The following PARD3B variants were observed in gnomAD, a reference collection of about 807,000 sequenced individuals.
PARD3B encodes the protein partitioning defective 3 homolog B.
PARD3B carries 103 observed loss-of-function variants against 130.2 expected under a neutral mutation model. The ratio of observed to expected loss-of-function variants is 0.79; its 90% CI spans 0.67 to 0.93. PARD3B has a LOEUF of 0.93. Ranked by LOEUF, PARD3B falls within the 40% of genes least tolerant of loss-of-function variation. PARD3B has a pLI of 0.00. For missense variants in PARD3B, 1,609 were observed against 1,499.2 expected (o/e 1.07, Z -1.21); for synonymous variants, 583 against 553.2 (o/e 1.05, Z -0.76).
rs543769668 is a variant in PARD3B, at chr2:204,933,652, A to G, written c.223-31500A>G. On this transcript the variant is annotated intron_variant, in intron 2 of 22. Transcript: ENST00000406610. Reference sequence around the variant, plus strand: ...TTCTAAACCACTGTGCTTTATTGCAAGCTATCAGAGTTCATCTTTTAGGGA... The same window carrying G: ...TTCTAAACCACTGTGCTTTATTGCAGGCTATCAGAGTTCATCTTTTAGGGA... Among the ~76,000 whole-genome samples, 3 of 152,314 alleles carry G rather than the reference A, an allele frequency of 2.0e-5. No homozygotes were observed. The South Asian group carries it at 6.2e-4, about 32-fold the overall frequency.
chr2:204,797,383 T>C (rs2125491474), intron 2 of PARD3B, among the ~76,000 whole-genome samples: 1 of 152,290 alleles, frequency 6.6e-6, no homozygotes. Flanking sequence ...GCTCACACTT[T>C]ACTGATGAAC....
intron 15 of PARD3B, among the ~76,000 whole-genome samples, chr2:205,232,056 A>C (rs924846506): frequency 6.6e-6 from 1 of 152,256 alleles, no homozygotes; most frequent in Non-Finnish European, 1.5e-5. Context: ...CACAATCAGC[A>C]TAGAGTAAAT....
chr2:204,562,327 C>CT (rs933214182), intron 1 of PARD3B, among the ~76,000 whole-genome samples: 24 of 152,208 alleles, frequency 1.6e-4, no homozygotes, highest in African/African-American at 5.3e-4. Flanking sequence ...GATCTGATTG[C>CT]TTATAGATTT....
intron 21 of PARD3B, among the ~76,000 whole-genome samples, chr2:205,538,262 C>T (rs1386472578): frequency 6.6e-6 from 1 of 152,106 alleles, no homozygotes; most frequent in Non-Finnish European, 1.5e-5. Context: ...TGACAGGCTT[C>T]CCAGAGGACC....
chr2:204,813,873 A>G (rs1354723625), intron 2 of PARD3B, among the ~76,000 whole-genome samples: 1 of 152,070 alleles, frequency 6.6e-6, no homozygotes, highest in Non-Finnish European at 1.5e-5. Context: ...CTATCTCTTT[A>G]TAATATTGTA....
At chr2:205,486,808 C>T (rs1265931311) in intron 20 of PARD3B, among the ~76,000 whole-genome samples, 1 of 152,012 alleles carries the variant, frequency 6.6e-6, no homozygotes, top group Admixed American at 6.6e-5. Flanking sequence ...TTGGGGATTA[C>T]GATTCAACAT....
chr2:205,282,532 C>T (rs1305838089), intron 16 of PARD3B, among the ~76,000 whole-genome samples: 5 of 131,860 alleles, frequency 3.8e-5, no homozygotes, highest in African/African-American at 1.3e-4. Context: ...TACACACACA[C>T]ATATATATTT....
chr2:204,992,041 G>C (rs2125244660), intron 3 of PARD3B, among the ~76,000 whole-genome samples: 1 of 152,152 alleles, frequency 6.6e-6, no homozygotes, highest in East Asian at 1.9e-4. Context: ...TGTTTACTCT[G>C]ATGGTAGTTT....
At chr2:205,365,375 C>T (rs917453949) in intron 18 of PARD3B, among the ~76,000 whole-genome samples, 5 of 71,798 alleles carry the variant, frequency 7.0e-5, no homozygotes, top group Admixed American at 6.4e-4. Flanking sequence ...AGCGAGACTC[C>T]GTCTCAGAAA....
intron 2 of PARD3B, among the ~76,000 whole-genome samples, chr2:204,846,433 C>A (rs1204796802): frequency 6.6e-6 from 1 of 151,956 alleles, no homozygotes; most frequent in South Asian, 2.1e-4. Context: ...GTGTACACTG[C>A]AGAATTGTAA....
chr2:204,737,215 G>A (rs772120720), intron 2 of PARD3B, among the ~76,000 whole-genome samples: 60 of 152,116 alleles, frequency 3.9e-4, no homozygotes, highest in Admixed American at 2.0e-4. Flanking sequence ...CCGCCTGCCT[G>A]GGCCTCCCAA....
At chr2:205,267,371 C>T (rs2040549410) in intron 16 of PARD3B, among the ~76,000 whole-genome samples, 1 of 152,130 alleles carries the variant, frequency 6.6e-6, no homozygotes, top group Non-Finnish European at 1.5e-5. Context: ...ACATGGGAAA[C>T]AATTAAGATC....
Position 204,906,355 on chromosome 2 carries a change from T to C in PARD3B, c.223-58797T>C, listed in dbSNP as rs1263591208. ...CTGTCATCACATAAACAGTGAAAAT[T>C]GTAGTTAGAATGCTAAAGCCCATTT... On this transcript the variant is annotated intron_variant, in intron 2 of 22. Coordinates refer to ENST00000406610, the MANE Select transcript of PARD3B (RefSeq NM_001302769.2). The surrounding 1 kb of genome is among the most constrained non-coding windows in gnomAD (Gnocchi z 4.3). Among the ~76,000 whole-genome samples, 1 of 152,142 alleles carries C rather than the reference T, an allele frequency of 6.6e-6. No individual in the cohort carries two copies. Among genetic ancestry groups the C allele is most frequent in the African/African-American group, 2.4e-5 (1 of 41,428 alleles).
intron 14 of PARD3B, among the ~76,000 whole-genome samples, chr2:205,190,936 G>C (rs1452636761): frequency 6.6e-6 from 1 of 152,032 alleles, no homozygotes; most frequent in Non-Finnish European, 1.5e-5. Flanking sequence ...GGCCAGGCTA[G>C]TGTCAATAAC....
At chr2:205,254,869 T>A (rs2040009284) in intron 16 of PARD3B, among the ~76,000 whole-genome samples, 1 of 151,754 alleles carries the variant, frequency 6.6e-6, no homozygotes, top group Non-Finnish European at 1.5e-5. Context: ...TTTCACCATG[T>A]TGGTCAGGAT....
At chr2:205,029,798 A>G (rs573922752) in intron 3 of PARD3B, among the ~76,000 whole-genome samples, 17 of 152,244 alleles carry the variant, frequency 1.1e-4, no homozygotes, top group African/African-American at 3.9e-4. Context: ...AGGACATAAA[A>G]CTCCAAAAAC....
At chr2:204,929,565 G>C (rs1168473926) in intron 2 of PARD3B, among the ~76,000 whole-genome samples, 2 of 151,876 alleles carry the variant, frequency 1.3e-5, no homozygotes, top group Non-Finnish European at 2.9e-5. Flanking sequence ...TTTATTTCCA[G>C]CAACTGTAAG....
intron 4 of PARD3B, among the ~76,000 whole-genome samples, chr2:205,075,288 TC>T (rs951782273): frequency 3.3e-5 from 5 of 152,158 alleles, no homozygotes; most frequent in Admixed American, 3.3e-4. Context: ...AATGTTTTCT[TC>T]CTTAAATTTA....
chr2:205,000,774 C>T (rs375384124), intron 3 of PARD3B, among the ~76,000 whole-genome samples: 4 of 152,238 alleles, frequency 2.6e-5, no homozygotes, highest in African/African-American at 7.2e-5. Context: ...CTGAGTACAT[C>T]GTCCCTACTT....
Sources: allele counts gnomAD v4.1 joint callset (sites outside exome capture counted in the v4.1 genomes callset), GRCh38; gene constraint gnomAD v4.1.1; non-coding constraint Gnocchi (gnomAD v3.1); transcripts MANE v1.5; gene names NCBI Gene and HGNC (gene_info 2026-07-23, HGNC 2026-07-21).